ERCC2: variants seen among roughly 807,000 people sequenced by gnomAD.
ERCC2 encodes the protein ERCC excision repair 2, TFIIH core complex helicase subunit.
Under a neutral mutation model 99.4 loss-of-function variants are expected in ERCC2, and 90 were observed. The ratio of observed to expected loss-of-function variants is 0.91; its 90% CI spans 0.76 to 1.08. The LOEUF is 1.08. ERCC2 is among the 50% of genes least tolerant of loss of function. The probability of loss-of-function intolerance (pLI) is 0.00; values close to 1 mark genes in which losing one functional copy is unlikely to be tolerated. For missense variants in ERCC2, 993 were observed against 1,038.1 expected, an observed-to-expected ratio of 0.96 and a Z score of 0.60; for synonymous variants, 497 against 432.4, an observed-to-expected ratio of 1.15 and a Z score of -1.85.
chr19:45,362,018 T>C (rs562787143), intron 11 of ERCC2: 6 of 246,460 alleles, frequency 2.4e-5, no homozygotes, highest in Admixed American at 5.0e-5. Context: ...CTCCGCCTCC[T>C]GGGTTCAAAT....
In ERCC2 at chr19:45,351,621, C is replaced by T. The variant is rs369743753; in HGVS notation, c.*8G>A. On this transcript the variant is annotated 3_prime_UTR_variant, in exon 23 of 23. Coordinates refer to ENST00000391945, the MANE Select transcript of ERCC2 (RefSeq NM_000400.4). ...ACCAGGAACCGTTTATGGCCCCACC[C>T]GCCCCACTCAGAGCTGCTGAGCAAT... is the stretch of plus-strand genomic sequence containing the variant. 9.5e-5 allele frequency: 153 copies of T among 1,613,616 alleles called. No individual in the cohort carries two copies. The highest frequency in any genetic ancestry group is 7.6e-4 in the East Asian group (34 of 44,892).
At chr19:45,358,548 C>A (rs551104072) in intron 12 of ERCC2, 1 of 412,800 alleles carries the variant, frequency 2.4e-6, no homozygotes, top group African/African-American at 2.0e-5. Context: ...CTCCCATGGC[C>A]CCCACATGCC....
chr19:45,369,227 C>G, intron 2 of ERCC2, 80 bp from the exon 3 acceptor site: 1 of 1,064,508 alleles, frequency 9.4e-7, no homozygotes, highest in Non-Finnish European at 1.5e-6. Flanking sequence ...CTCCCCGACC[C>G]CCAATGCCAC....
chr19:45,357,175 C>T lies in ERCC2; in HGVS notation c.1479+95G>A, dbSNP rs1461276092. The T allele has an allele frequency of 3.5e-6, 3 of 863,532 alleles. No individual in the cohort carries two copies. The East Asian group carries it at 7.9e-5, about 23-fold the overall frequency. The allele number at this position is 863,532 out of a possible 1,614,324, so 53.5% of individuals were successfully genotyped here. A position where few individuals can be genotyped will look rare whatever the true frequency, so the allele number is the denominator to read the frequency against. On this transcript the variant is annotated intron_variant, in intron 15 of 22. Transcript: ENST00000391945. ...CGAACCCAGCCTCTTCGCTGTAAAGCTCTCCTGCCTGAGCAGTGGGGGAAG... is the reference window on the plus strand; with the variant it reads ...CGAACCCAGCCTCTTCGCTGTAAAGTTCTCCTGCCTGAGCAGTGGGGGAAG...
intron 17 of ERCC2, among the ~76,000 whole-genome samples, chr19:45,353,717 G>A (rs1971912364): frequency 6.6e-6 from 1 of 152,202 alleles, no homozygotes; most frequent in Admixed American, 6.5e-5. Context: ...CACTGGGACA[G>A]AATGGAGAGT....
Position 45,350,434 on chromosome 19 carries a change from G to T in ERCC2, c.*1195C>A. On this transcript the variant is annotated 3_prime_UTR_variant, in exon 23 of 23. Coordinates refer to ENST00000391945, the MANE Select transcript of ERCC2 (RefSeq NM_000400.4). ...GGAGGACCTACCCGCCCCTCTCGGT[G>T]AGCCCCTAGCCCCTGTCTGTCTTCC... is the stretch of plus-strand genomic sequence containing the variant. 1 of 1,613,770 alleles carries T rather than the reference G, an allele frequency of 6.2e-7. No homozygotes were observed. The highest frequency in any genetic ancestry group is 1.1e-5 in the South Asian group (1 of 91,042).
chr19:45,350,355 G>C lies in ERCC2; in HGVS notation c.*1274C>G. The C allele has an allele frequency of 1.2e-6, 2 of 1,613,282 alleles. No individual in the cohort carries two copies. The highest frequency in any genetic ancestry group is 1.7e-6 in the Non-Finnish European group (2 of 1,179,906). On this transcript the variant is annotated 3_prime_UTR_variant, in exon 23 of 23. Coordinates refer to ENST00000391945, the MANE Select transcript of ERCC2 (RefSeq NM_000400.4). ...CTTCTCCGCAGGCCTCAGCCTACCTGAAACAGAACAAGTATCAACAAGCGG... is the reference window on the plus strand; with the variant it reads ...CTTCTCCGCAGGCCTCAGCCTACCTCAAACAGAACAAGTATCAACAAGCGG...
Position 45,350,827 on chromosome 19 carries a change from C to G in ERCC2, c.*802G>C. On this transcript the variant is annotated 3_prime_UTR_variant, in exon 23 of 23. Coordinates refer to ENST00000391945, the MANE Select transcript of ERCC2 (RefSeq NM_000400.4). The stretch of plus-strand genomic sequence containing the variant: ...ACCCCACCCCCACCCCCATCTTGCT[C>G]AAGAACCTTCCATGGCTCCCATCTC... 8.3e-7 allele frequency: 1 copy of G among 1,210,894 alleles called. No homozygotes were observed. The highest frequency in any genetic ancestry group is 1.2e-6 in the Non-Finnish European group (1 of 846,120). The allele number at this position is 1,210,894 out of a possible 1,614,324, so 75.0% of individuals were successfully genotyped here. A position where few individuals can be genotyped will look rare whatever the true frequency, so the allele number is the denominator to read the frequency against.
intron 22 of ERCC2, 95 bp downstream of exon 22, chr19:45,352,110 ACAGG>A: frequency 7.4e-7 from 1 of 1,349,306 alleles, no homozygotes; most frequent in Non-Finnish European, 1.0e-6. Flanking sequence ...GGGCAGGAGG[ACAGG>A]CAGGCTGAGG....
In ERCC2 at chr19:45,370,162, G is replaced by A. The variant is rs933045867; in HGVS notation, c.76C>T (p.Arg26Trp). The A allele has an allele frequency of 3.1e-6, 5 of 1,613,114 alleles. No homozygotes were observed. The African/African-American group carries it at 5.3e-5, about 17-fold the overall frequency. The change falls in exon 2 of 23, where the codon CGG (arginine) becomes TGG (tryptophan). Residue 26 changes from arginine to tryptophan, a missense_variant. Arg to Trp is a moderately radical substitution (Grantham distance 101). Around this residue, in one of 3 missense-constraint regions of ERCC2, gnomAD observed 55 missense variants for 45.1 expected, o/e 1.22. Coordinates refer to ENST00000391945, the MANE Select transcript of ERCC2 (RefSeq NM_000400.4). ...YIYPEQFSYM[R>W]ELKRTLDAKG... ...GCGTCCAGCGTGCGTTTGAGCTCCC[G>A]CATGTAGGAGAACTGCTCGGGGTAG...
Position 45,368,965 on chromosome 19 carries a change from T to C in ERCC2, c.211A>G (p.Ile71Val). Residue 71 changes from isoleucine (I) to valine (V), a missense_variant, in exon 4 of 23, where the codon ATC becomes GTC. Physicochemically the swap from Ile to Val is conservative, Grantham distance 29 (BLOSUM62 3). Around this residue, in one of 3 missense-constraint regions of ERCC2, gnomAD observed 29 missense variants for 62.1 expected, o/e 0.47. Transcript: ENST00000391945. ...RAYPLEVTKL[I>V]YCSRTVPEIE... ...TCTGGCACAGTTCTTGAGCAGTAGA[T>C]GAGTTTGGTCACCTCCAGCGGATAT... 2 of 1,613,904 alleles carry C rather than the reference T, an allele frequency of 1.2e-6. No individual in the cohort carries two copies. Among genetic ancestry groups the C allele is most frequent in the South Asian group, 1.1e-5 (1 of 91,084 alleles).
Position 45,353,317 on chromosome 19 carries a change from G to C in ERCC2, c.1683C>G (p.Ile561Met). ...SWYEQGILENIQRNKLLFIET... is the reference protein window; with the variant it reads ...SWYEQGILENMQRNKLLFIET... Reference sequence around the variant, plus strand: ...CAATAAAGAGCAGCTTGTTCCTCTGGATGTTCTCAAGGATCCCCTGGGGAA... The same window carrying C: ...CAATAAAGAGCAGCTTGTTCCTCTGCATGTTCTCAAGGATCCCCTGGGGAA... The change falls in exon 18 of 23, where the codon ATC (isoleucine) becomes ATG (methionine). Residue 561 changes from isoleucine to methionine, a missense_variant. By Grantham distance (10) the Ile-to-Met change is conservative (BLOSUM62 1). Transcript: ENST00000391945. 6.2e-7 allele frequency: 1 copy of C among 1,613,884 alleles called. No individual in the cohort carries two copies. Among genetic ancestry groups the C allele is most frequent in the Non-Finnish European group, 8.5e-7 (1 of 1,179,892 alleles).
chr19:45,361,570 G>A lies in ERCC2; in HGVS notation c.1191C>T (p.Leu397=), dbSNP rs1189911022. ...GGGTGGCAAAGTTAGCAAGGAGGGT[G>A]AGCGGGGAGAAGTCAGCAAGGTCGG... ...EITDLADFSP[L]TLLANFATLV... is the part of the protein sequence containing the mutation. Residue 397 remains leucine (L), a synonymous_variant, in exon 12 of 23, where the codon CTC becomes CTT. Transcript: ENST00000391945. The A allele has an allele frequency of 6.2e-6, 10 of 1,613,946 alleles. No homozygotes were observed. The highest frequency in any genetic ancestry group is 1.1e-5 in the South Asian group (1 of 91,076).
At chr19:45,356,705 G>A (rs1467090158) in intron 15 of ERCC2, among the ~76,000 whole-genome samples, 1 of 152,198 alleles carries the variant, frequency 6.6e-6, no homozygotes, top group South Asian at 2.1e-4. Flanking sequence ...TACTCAGGAG[G>A]CTGAAGCATC....
At chr19:45,352,912 G>C in intron 19 of ERCC2, 96 bp from the exon 20 acceptor site, 3 of 1,311,194 alleles carry the variant, frequency 2.3e-6, no homozygotes, top group Non-Finnish European at 3.3e-6. Context: ...TCTGAGTTGG[G>C]GGGAGAGGGT....
chr19:45,351,802 C>CT (rs1360711614), intron 22 of ERCC2, 81 bp from the exon 23 acceptor site: 11 of 1,242,882 alleles, frequency 8.9e-6, no homozygotes, highest in Non-Finnish European at 1.3e-5. Flanking sequence ...CAACCACCCC[C>CT]CCGAATGGCC....
rs1328869143 is a variant in ERCC2 at position 45,368,711 on chromosome 19, G to C, written c.279C>G (p.Phe93Leu). 5 of 1,613,974 alleles carry C rather than the reference G, an allele frequency of 3.1e-6. No homozygotes were observed. In the South Asian group the frequency reaches 4.4e-5, roughly 14 times the overall value. ...VIEELRKLLN[F>L]YEKQEGEKLP... ...GCTTCTCGCCCTCCTGCTTCTCATA[G>C]AAGTTGAGCAACTTTCGAAGCTCTT... The change falls in exon 5 of 23, where the codon TTC becomes TTG. Residue 93 changes from phenylalanine to leucine, a missense_variant. By Grantham distance (22) the Phe-to-Leu change is conservative (BLOSUM62 0). Around this residue, in one of 3 missense-constraint regions of ERCC2, gnomAD observed 909 missense variants for 930.8 expected, o/e 0.98. Coordinates refer to ENST00000391945, the MANE Select transcript of ERCC2 (RefSeq NM_000400.4).
chr19:45,365,790 C>CA (rs112452981), intron 5 of ERCC2, among the ~76,000 whole-genome samples: 41 of 148,242 alleles, frequency 2.8e-4, no homozygotes, highest in East Asian at 7.9e-4. Flanking sequence ...GACTCCCTCT[C>CA]AAAAAAAAAA....
At chr19:45,356,959 G>T (rs535090714) in intron 15 of ERCC2, among the ~76,000 whole-genome samples, 17 of 152,354 alleles carry the variant, frequency 1.1e-4, no homozygotes, top group Non-Finnish European at 1.9e-4. Flanking sequence ...AAGATGCTAA[G>T]ATGCTGACTA....
Sources: gnomAD v4.1 joint callset for allele counts (sites outside exome capture counted in the v4.1 genomes callset) on GRCh38, gnomAD v4.1.1 for gene constraint, gnomAD v4.1.1 regional missense constraint, MANE v1.5 for transcripts, NCBI Gene and HGNC (gene_info 2026-07-23, HGNC 2026-07-21) for gene names.